The following MRTFB variants were observed in gnomAD, a reference collection of about 807,000 sequenced individuals.
MRTFB encodes the protein myocardin-related transcription factor B.
MRTFB carries 29 observed loss-of-function variants against 104.2 expected under a neutral mutation model. That is an observed-to-expected ratio of 0.28 (90% CI 0.21 to 0.38). The LOEUF (loss-of-function observed/expected upper bound fraction) is 0.38. MRTFB is among the 10% of genes least tolerant of loss of function. The pLI is 1.00. For missense variants in MRTFB, 1,270 were observed against 1,341.6 expected, an observed-to-expected ratio of 0.95 and a Z score of 0.83; for synonymous variants, 535 against 519.5, an observed-to-expected ratio of 1.03 and a Z score of -0.41.
intron 2 of MRTFB, among the ~76,000 whole-genome samples, chr16:14,127,936 T>A (rs200309998): frequency 2.1e-3 from 175 of 84,286 alleles, no homozygotes; most frequent in South Asian, 6.0e-3. Context: ...TATATTTTTT[T>A]TTTTTTTTTT....
intron 2 of MRTFB, among the ~76,000 whole-genome samples, chr16:14,138,618 C>G (rs551110012): frequency 6.6e-6 from 1 of 152,172 alleles, no homozygotes; most frequent in Non-Finnish European, 1.5e-5. Context: ...CAGTTCAGTT[C>G]TTTTTGCCTT....
intron 2 of MRTFB, among the ~76,000 whole-genome samples, chr16:14,100,188 TA>T (rs2035623710): frequency 6.9e-6 from 1 of 145,074 alleles, no homozygotes; most frequent in African/African-American, 2.8e-5. Context: ...TTCCTCATAT[TA>T]AAGGGAAAAC....
At position 14,122,459 on chromosome 16, in the gene MRTFB, G is replaced by A. The variant is rs369405081; in HGVS notation, c.-63-18085G>A. On this transcript the variant is annotated intron_variant, in intron 2 of 16. Transcript: ENST00000571589. ...AGCCCCCTACCCTGCAACAGGCCCT[G>A]GTGTGTGATGTTTCCCTCCCTGTGT... is the stretch of plus-strand genomic sequence containing the variant. Among the ~76,000 whole-genome samples, 14 of 151,918 alleles carry A rather than the reference G, an allele frequency of 9.2e-5. No homozygotes were observed. The East Asian group carries it at 2.3e-3, about 25-fold the overall frequency.
the MRTFB span, among the ~76,000 whole-genome samples, chr16:14,017,713 T>TATATATATATATATATATATATATA: frequency 2.1e-4 from 2 of 9,450 alleles, no homozygotes; most frequent in Non-Finnish European, 2.8e-4. Context: ...ATATATATAT[T>TATATATATATATATATATATATATA]TTTTTTTTTT....
At chr16:14,223,014 A>AG (rs2041807885) in intron 8 of MRTFB, among the ~76,000 whole-genome samples, 1 of 151,190 alleles carries the variant, frequency 6.6e-6, no homozygotes, top group African/African-American at 2.4e-5. Context: ...AATCCCATTT[A>AG]AAAAAAACAA....
chr16:14,065,776 G>T, the MRTFB span, among the ~76,000 whole-genome samples: 1 of 151,846 alleles, frequency 6.6e-6, no homozygotes, highest in Non-Finnish European at 1.5e-5. Context: ...GTATTTTAAG[G>T]CTCTGGTCCA....
intron 3 of MRTFB, among the ~76,000 whole-genome samples, chr16:14,198,019 A>T (rs1463628905): frequency 1.3e-5 from 2 of 152,162 alleles, no homozygotes; most frequent in East Asian, 3.8e-4. Flanking sequence ...CCTGGCAACC[A>T]CCAATCTGCA....
intron 8 of MRTFB, among the ~76,000 whole-genome samples, chr16:14,220,528 C>G (rs1024243650): frequency 6.6e-6 from 1 of 152,174 alleles, no homozygotes; most frequent in Non-Finnish European, 1.5e-5. Flanking sequence ...TGGTCTCCAG[C>G]TAAGTTTTTA....
At chr16:14,210,428 A>C (rs1381090374) in intron 4 of MRTFB, 120 bp downstream of exon 4, 1 of 705,614 alleles carries the variant, frequency 1.4e-6, no homozygotes, top group Non-Finnish European at 2.3e-6. Context: ...ACAATTACCA[A>C]ATGAATTTCC....
intron 3 of MRTFB, among the ~76,000 whole-genome samples, chr16:14,160,419 A>G (rs2038986627): frequency 6.6e-6 from 1 of 152,172 alleles, no homozygotes; most frequent in Non-Finnish European, 1.5e-5. Flanking sequence ...ATTTTGTCCC[A>G]TTGTTGGTGA....
chr16:14,184,593 A>G lies in MRTFB; in HGVS notation c.155-25650A>G, dbSNP rs141439494. Reference sequence around the variant, plus strand: ...CTCACAAGTCTTGCAGTAGGATAGCATACAGTAATCACTAAATAAAGTTGG... The same window carrying G: ...CTCACAAGTCTTGCAGTAGGATAGCGTACAGTAATCACTAAATAAAGTTGG... On this transcript the variant is annotated intron_variant, in intron 3 of 16. Transcript: ENST00000571589. Among the ~76,000 whole-genome samples the G allele has an allele frequency of 5.1e-3, 770 of 152,232 alleles. 6 individuals are homozygous for G. Among genetic ancestry groups the G allele is most frequent in the African/African-American group, 0.017 (724 of 41,532 alleles).
chr16:14,210,198 C>T (rs1354722258), intron 3 of MRTFB, 45 bp from the exon 4 acceptor site: 2 of 1,493,922 alleles, frequency 1.3e-6, no homozygotes. Context: ...AATCGGATCC[C>T]ACAGTTGCCG....
chr16:14,226,643 A>G (rs1366575898), intron 8 of MRTFB, among the ~76,000 whole-genome samples: 1 of 152,160 alleles, frequency 6.6e-6, no homozygotes, highest in Non-Finnish European at 1.5e-5. Flanking sequence ...ACACCAAGGC[A>G]GCAAAAGAAA....
In MRTFB at chr16:14,263,768, C is replaced by T. The variant is rs1038161397; in HGVS notation, c.*2324C>T. The T allele has an allele frequency of 4.6e-5, 7 of 152,174 alleles. No homozygotes were observed. Among genetic ancestry groups the T allele is most frequent in the African/African-American group, 1.4e-4 (6 of 41,432 alleles). The allele number at this position is 152,174 out of a possible 1,614,324, so 9.4% of individuals were successfully genotyped here. On this transcript the variant is annotated 3_prime_UTR_variant, in exon 17 of 17. Coordinates refer to ENST00000571589, the MANE Select transcript of MRTFB (RefSeq NM_001308142.2). ...GCCCACTTCACATATGTGTTTAAAC[C>T]TTTATAAACCAGTATTTCACTTTTA...
intron 2 of MRTFB, among the ~76,000 whole-genome samples, chr16:14,122,238 G>GT (rs577925692): frequency 4.3e-3 from 513 of 118,594 alleles, no homozygotes; most frequent in East Asian, 0.02. Context: ...ATATGGATCT[G>GT]TTTTTTTTTT....
intron 2 of MRTFB, among the ~76,000 whole-genome samples, chr16:14,106,651 G>T (rs1158803252): frequency 1.3e-5 from 2 of 152,128 alleles, no homozygotes; most frequent in African/African-American, 4.8e-5. Context: ...ATTGCTTTTT[G>T]GCAGTAACAA....
the MRTFB span, among the ~76,000 whole-genome samples, chr16:14,062,161 C>T: frequency 5.3e-5 from 8 of 152,192 alleles, no homozygotes; most frequent in African/African-American, 1.9e-4. Flanking sequence ...GGCACAATCA[C>T]AGCTCACTGC....
At chr16:14,140,484 T>C (rs550504025) in intron 2 of MRTFB, 60 bp from the exon 3 acceptor site, 2 of 1,256,106 alleles carry the variant, frequency 1.6e-6, no homozygotes, top group Non-Finnish European at 2.2e-6. Flanking sequence ...TTTTAATACT[T>C]TTGTGCAAAT....
At chr16:14,243,652 C>G (rs2042878127) in intron 10 of MRTFB, among the ~76,000 whole-genome samples, 1 of 152,060 alleles carries the variant, frequency 6.6e-6, no homozygotes, top group African/African-American at 2.4e-5. Flanking sequence ...AGTGATGCAC[C>G]AACTTCTTTT....
Sources: allele counts gnomAD v4.1 joint callset (sites outside exome capture counted in the v4.1 genomes callset), GRCh38; gene constraint gnomAD v4.1.1; transcripts MANE v1.5; gene names NCBI Gene and HGNC (gene_info 2026-07-23, HGNC 2026-07-21).